The following RAB3C variants were observed in gnomAD, a reference collection of about 807,000 sequenced individuals.
RAB3C encodes the protein RAB3C, member RAS oncogene family, also known as ras-related protein Rab-3C.
A neutral mutation model predicts 26.4 loss-of-function variants in RAB3C; 17 were observed. The observed-to-expected ratio is 0.64, with a 90% confidence interval of 0.44 to 0.97. The LOEUF (loss-of-function observed/expected upper bound fraction) is 0.97, where lower values mean the gene tolerates loss of function less well. RAB3C is among the 50% of genes least tolerant of loss of function. The pLI is 0.00. For missense variants in RAB3C, 242 were observed against 281.9 expected, an observed-to-expected ratio of 0.86 and a Z score of 1.01; for synonymous variants, 91 against 95.9, an observed-to-expected ratio of 0.95 and a Z score of 0.30.
chr5:58,838,204 C>A (rs935567162), intron 4 of RAB3C, among the ~76,000 whole-genome samples: 1 of 152,016 alleles, frequency 6.6e-6, no homozygotes, highest in African/African-American at 2.4e-5. Context: ...CACAGTGAAA[C>A]CCCGTCTCTA....
At chr5:58,630,423 T>C (rs1174202736) in intron 2 of RAB3C, among the ~76,000 whole-genome samples, 1 of 152,200 alleles carries the variant, frequency 6.6e-6, no homozygotes, top group Non-Finnish European at 1.5e-5. Context: ...TTAAAAATAT[T>C]TATTTTCATT....
intron 3 of RAB3C, among the ~76,000 whole-genome samples, chr5:58,809,836 G>A (rs908191647): frequency 1.3e-5 from 2 of 152,314 alleles, no homozygotes; most frequent in South Asian, 4.1e-4. Context: ...AGAAATAAAC[G>A]TCTGTTGCTT....
chr5:58,680,785 G>A (rs1201966089), intron 2 of RAB3C, among the ~76,000 whole-genome samples: 1 of 151,954 alleles, frequency 6.6e-6, no homozygotes, highest in East Asian at 1.9e-4. Context: ...GATTACTGTG[G>A]GCCCATTCAG....
intron 2 of RAB3C, among the ~76,000 whole-genome samples, chr5:58,678,835 A>G (rs1248524959): frequency 6.6e-6 from 1 of 152,222 alleles, no homozygotes; most frequent in East Asian, 1.9e-4. Flanking sequence ...ATTATTGACT[A>G]AAAGGGCATA....
At chr5:58,798,796 G>A (rs953525495) in intron 3 of RAB3C, among the ~76,000 whole-genome samples, 4 of 152,086 alleles carry the variant, frequency 2.6e-5, no homozygotes, top group Non-Finnish European at 5.9e-5. Context: ...TTTAGATAAG[G>A]TATACTAAAC....
At chr5:58,786,450 G>A (rs1742383764) in intron 3 of RAB3C, among the ~76,000 whole-genome samples, 2 of 152,086 alleles carry the variant, frequency 1.3e-5, no homozygotes, top group South Asian at 2.1e-4. Flanking sequence ...AGACAGACAG[G>A]AGGGACGCAC....
In RAB3C at chr5:58,827,696, T is replaced by TA. The variant is rs1317081398; in HGVS notation, c.496+2539dup. On this transcript the variant is annotated intron_variant, in intron 4 of 4. Coordinates refer to ENST00000282878, the MANE Select transcript of RAB3C (RefSeq NM_138453.4). ...AATTGATTTTTTGCTCTCTATTCAA[T>TA]AAAAACCCAGCTGTTGTCATAGCAA... Among the ~76,000 whole-genome samples the TA allele has an allele frequency of 2.0e-5, 3 of 152,308 alleles. No individual in the cohort carries two copies. In the East Asian group the frequency reaches 5.8e-4, roughly 29 times the overall value.
At chr5:58,692,425 C>T (rs1326052757) in intron 2 of RAB3C, among the ~76,000 whole-genome samples, 1 of 151,712 alleles carries the variant, frequency 6.6e-6, no homozygotes. Context: ...ATATCTTTTG[C>T]CAGTAGCTGG....
chr5:58,589,885 G>T (rs1023074505), intron 1 of RAB3C, among the ~76,000 whole-genome samples: 3 of 152,182 alleles, frequency 2.0e-5, no homozygotes, highest in Non-Finnish European at 4.4e-5. Context: ...AACATGAAAA[G>T]AATTGTTGGG....
chr5:58,785,251 A>AC (rs1403533413), intron 3 of RAB3C, among the ~76,000 whole-genome samples: 1 of 151,880 alleles, frequency 6.6e-6, no homozygotes, highest in East Asian at 1.9e-4. Context: ...TGGGTGTCCC[A>AC]CCCCCCATAA....
At chr5:58,643,288 A>G (rs990880138) in intron 2 of RAB3C, among the ~76,000 whole-genome samples, 1 of 152,142 alleles carries the variant, frequency 6.6e-6, no homozygotes, top group African/African-American at 2.4e-5. Context: ...CTGAAAGAAC[A>G]TTGTCCTTTT....
At chr5:58,743,689 T>A (rs1326511757) in intron 3 of RAB3C, among the ~76,000 whole-genome samples, 2 of 152,114 alleles carry the variant, frequency 1.3e-5, no homozygotes, top group African/African-American at 4.8e-5. Flanking sequence ...CTGTGTTCAT[T>A]TGCTGAGAAT....
Position 58,853,428 on chromosome 5 carries a change from T to G in RAB3C, c.*2077T>G, listed in dbSNP as rs887033694. ...ATCCCACACATAGATGTAAAAAGCT[T>G]AGAAAGAATATTCTGATGGCTTTTT... On this transcript the variant is annotated 3_prime_UTR_variant, in exon 5 of 5. Transcript: ENST00000282878. The G allele has an allele frequency of 3.9e-5, 6 of 152,220 alleles. No individual in the cohort carries two copies. The highest frequency in any genetic ancestry group is 1.4e-4 in the African/African-American group (6 of 41,456). The allele number at this position is 152,220 out of a possible 1,614,324, so 9.4% of individuals were successfully genotyped here.
intron 1 of RAB3C, among the ~76,000 whole-genome samples, chr5:58,588,687 AT>A (rs559509916): frequency 1.8e-3 from 279 of 151,966 alleles, no homozygotes; most frequent in African/African-American, 6.6e-3. Flanking sequence ...TTTGGTGAGG[AT>A]TTTTTTGAAT....
rs561394793 is a variant in RAB3C at position 58,776,705 on chromosome 5, C to T, written c.372-48333C>T. Among the ~76,000 whole-genome samples the T allele has an allele frequency of 2.5e-4, 38 of 152,220 alleles. No homozygotes were observed. The South Asian group carries it at 7.7e-3, about 31-fold the overall frequency. ...TCTTAATGGCTTAGCACAATAAAAC[C>T]TGACTGCTTGCTCCCACTCCACTGG... On this transcript the variant is annotated intron_variant, in intron 3 of 4. Transcript: ENST00000282878.
At chr5:58,775,840 C>G (rs962323064) in intron 3 of RAB3C, among the ~76,000 whole-genome samples, 2 of 152,102 alleles carry the variant, frequency 1.3e-5, no homozygotes, top group Non-Finnish European at 2.9e-5. Flanking sequence ...TCTGTAAATG[C>G]TGTGGATATG....
chr5:58,596,185 T>C (rs1746243005), intron 1 of RAB3C, among the ~76,000 whole-genome samples: 1 of 151,914 alleles, frequency 6.6e-6, no homozygotes, highest in Non-Finnish European at 1.5e-5. Flanking sequence ...ACTAGGACAA[T>C]TGGTAACCCT....
chr5:58,735,305 C>T (rs963156634), intron 3 of RAB3C, among the ~76,000 whole-genome samples: 4 of 152,154 alleles, frequency 2.6e-5, no homozygotes, highest in South Asian at 2.1e-4. Flanking sequence ...TCAGATTTCT[C>T]GCTGCTCTGA....
intron 2 of RAB3C, among the ~76,000 whole-genome samples, chr5:58,619,834 C>G (rs1228743574): frequency 6.6e-6 from 1 of 150,756 alleles, no homozygotes; most frequent in Admixed American, 6.6e-5. Flanking sequence ...TAAAACAATG[C>G]TGGTACCAGG....
Sources: gnomAD v4.1 joint callset for allele counts (sites outside exome capture counted in the v4.1 genomes callset) on GRCh38, gnomAD v4.1.1 for gene constraint, MANE v1.5 for transcripts, NCBI Gene and HGNC (gene_info 2026-07-23, HGNC 2026-07-21) for gene names.